Variants in TRPM3 observed in about 807,000 individuals in gnomAD.
TRPM3 encodes the protein transient receptor potential cation channel subfamily M member 3, also known as long transient receptor potential channel 3.
In TRPM3, 77 loss-of-function variants were observed where a neutral mutation model predicts 181.2. That is an observed-to-expected ratio of 0.42 (90% CI 0.35 to 0.51). The LOEUF (loss-of-function observed/expected upper bound fraction) is 0.51. Among genes scored for constraint, TRPM3 ranks in the 20% least tolerant of loss-of-function variants. The probability of loss-of-function intolerance (pLI) is 0.01; values close to 1 mark genes in which losing one functional copy is unlikely to be tolerated. For missense variants in TRPM3, 1,759 were observed against 2,196.7 expected (o/e 0.80, Z 3.98); for synonymous variants, 745 against 796.4 (o/e 0.94, Z 1.09).
intron 1 of TRPM3, among the ~76,000 whole-genome samples, chr9:70,918,403 A>G (rs902221736): frequency 6.6e-6 from 1 of 152,198 alleles, no homozygotes; most frequent in African/African-American, 2.4e-5. Flanking sequence ...CATTAAAAAA[A>G]GTTGAGATAG....
chr9:71,056,214 T>C (rs1423323300), intron 1 of TRPM3, among the ~76,000 whole-genome samples: 2 of 152,016 alleles, frequency 1.3e-5, no homozygotes, highest in African/African-American at 4.8e-5. Context: ...AATATTATAT[T>C]CTAGTGTTTA....
chr9:70,869,074 G>A (rs932325231), intron 1 of TRPM3: 7 of 984,626 alleles, frequency 7.1e-6, no homozygotes, highest in Non-Finnish European at 8.4e-6. Flanking sequence ...TGGTCATTCC[G>A]TTAATAATGC....
chr9:70,635,062 C>T (rs200364383), intron 12 of TRPM3, 149 bp downstream of exon 12: 2 of 236,806 alleles, frequency 8.4e-6, no homozygotes, highest in Non-Finnish European at 1.5e-5. Flanking sequence ...AAGACACATA[C>T]ACACACACAC....
intron 7 of TRPM3, among the ~76,000 whole-genome samples, chr9:70,779,137 C>G (rs1328145): frequency 0.88 from 133,371 of 152,072 alleles, 59,207 homozygotes; most frequent in Middle Eastern, 0.94. Context: ...TATTAGAAAT[C>G]TATTATCTAT....
intron 1 of TRPM3, among the ~76,000 whole-genome samples, chr9:71,099,672 A>G (rs1236653801): frequency 6.6e-6 from 1 of 152,214 alleles, no homozygotes; most frequent in East Asian, 1.9e-4. Context: ...AGGATAGAAA[A>G]TAAGAAAATA....
At chr9:71,178,164 ACT>A (rs1452271278) in intron 1 of TRPM3, among the ~76,000 whole-genome samples, 1 of 152,092 alleles carries the variant, frequency 6.6e-6, no homozygotes, top group Non-Finnish European at 1.5e-5. Context: ...ACAAGGTATC[ACT>A]GTTTTTTTAT....
At chr9:71,345,595 G>C (rs1183797375) in intron 1 of TRPM3, among the ~76,000 whole-genome samples, 1 of 151,904 alleles carries the variant, frequency 6.6e-6, no homozygotes, top group Non-Finnish European at 1.5e-5. Context: ...GTCGGGGGGT[G>C]GGGGGCAAGG....
chr9:70,611,634 C>T (rs2133035589), intron 18 of TRPM3, among the ~76,000 whole-genome samples: 1 of 152,314 alleles, frequency 6.6e-6, no homozygotes, highest in East Asian at 1.9e-4. Flanking sequence ...GGGACTAAAA[C>T]AGTTAGCGAC....
At chr9:71,424,348 T>C (rs1397993693) in intron 1 of TRPM3, among the ~76,000 whole-genome samples, 2 of 152,138 alleles carry the variant, frequency 1.3e-5, no homozygotes, top group Non-Finnish European at 2.9e-5. Context: ...GATTTCCATT[T>C]TTTTTCCACT....
At position 70,529,220 on chromosome 9, in the gene TRPM3, AAG is replaced by A. The variant is rs2040531437; in HGVS notation, c.*6731_*6732del. The stretch of plus-strand genomic sequence containing the variant: ...TGAATCCAATAATAGACCTTTAAAA[AAG>A]AACAATTCTTCTAAGGATTTATATA... On this transcript the variant is annotated 3_prime_UTR_variant, in exon 26 of 26. Coordinates refer to ENST00000677713, the MANE Select transcript of TRPM3 (RefSeq NM_001366145.2). The A allele has an allele frequency of 6.6e-6, 1 of 152,226 alleles. No individual in the cohort carries two copies. The highest frequency in any genetic ancestry group is 6.5e-5 in the Admixed American group (1 of 15,288). The allele number at this position is 152,226 out of a possible 1,614,324, so 9.4% of individuals were successfully genotyped here.
intron 7 of TRPM3, among the ~76,000 whole-genome samples, chr9:70,782,820 G>A (rs181156309): frequency 2.1e-4 from 32 of 152,060 alleles, no homozygotes; most frequent in Non-Finnish European, 3.8e-4. Context: ...TTTCGGGTTT[G>A]CAGTGTTAAG....
intron 6 of TRPM3, chr9:70,824,833 T>C (rs1022524273): frequency 2.0e-5 from 3 of 152,296 alleles, no homozygotes; most frequent in Non-Finnish European, 2.9e-5. Flanking sequence ...TGTATTCTTC[T>C]GCCGTTTTTC....
intron 8 of TRPM3, among the ~76,000 whole-genome samples, chr9:70,690,610 G>A (rs1024984745): frequency 4.6e-5 from 7 of 151,920 alleles, no homozygotes; most frequent in Non-Finnish European, 8.8e-5. Flanking sequence ...AGAAGCTAAT[G>A]CAGTGACTTT....
At chr9:70,939,701 T>C (rs2096866478) in intron 1 of TRPM3, among the ~76,000 whole-genome samples, 1 of 152,342 alleles carries the variant, frequency 6.6e-6, no homozygotes. Flanking sequence ...ATCTTTTGAA[T>C]TGAGTGCTGA....
chr9:71,413,909 TAAAAC>T (rs1291138269), intron 1 of TRPM3, among the ~76,000 whole-genome samples: 3 of 151,662 alleles, frequency 2.0e-5, no homozygotes, highest in African/African-American at 7.3e-5. Flanking sequence ...TACAGTCACA[TAAAAC>T]AAACTAAGAC....
At chr9:71,230,910 T>C (rs1156718035) in intron 1 of TRPM3, among the ~76,000 whole-genome samples, 1 of 152,184 alleles carries the variant, frequency 6.6e-6, no homozygotes, top group East Asian at 1.9e-4. Context: ...CTATCTTTCA[T>C]ATCTTAAAGG....
At chr9:70,857,225 G>T (rs569443730) in intron 3 of TRPM3, among the ~76,000 whole-genome samples, 57 of 152,180 alleles carry the variant, frequency 3.7e-4, no homozygotes, top group African/African-American at 1.3e-3. Context: ...CTTGCAATTT[G>T]GTAGGATGTG....
Position 70,535,213 on chromosome 9 carries a change from A to G in TRPM3, c.*740T>C. Reference sequence around the variant, plus strand: ...AAATCACTTGACTTTTGTTTTTTTAACATCAACTCTTCTTTCATTTCGATT... The same window carrying G: ...AAATCACTTGACTTTTGTTTTTTTAGCATCAACTCTTCTTTCATTTCGATT... On this transcript the variant is annotated 3_prime_UTR_variant, in exon 26 of 26. Transcript: ENST00000677713. The G allele has an allele frequency of 3.4e-6, 2 of 588,638 alleles. No homozygotes were observed. The highest frequency in any genetic ancestry group is 5.2e-5 in the South Asian group (2 of 38,216). The allele number at this position is 588,638 out of a possible 1,614,324, so 36.5% of individuals were successfully genotyped here. A position where few individuals can be genotyped will look rare whatever the true frequency, so the allele number is the denominator to read the frequency against.
intron 7 of TRPM3, among the ~76,000 whole-genome samples, chr9:70,781,170 A>C (rs1217245381): frequency 1.3e-5 from 2 of 151,822 alleles, no homozygotes; most frequent in African/African-American, 4.8e-5. Flanking sequence ...CTAAAAATAC[A>C]AAAAATTAGC....
Sources: allele counts gnomAD v4.1 joint callset (sites outside exome capture counted in the v4.1 genomes callset), GRCh38; gene constraint gnomAD v4.1.1; transcripts MANE v1.5; gene names NCBI Gene and HGNC (gene_info 2026-07-23, HGNC 2026-07-21).